CNTNAP2: variants seen among roughly 807,000 people sequenced by gnomAD.
CNTNAP2 encodes contactin associated protein 2.
Under a neutral mutation model 155.2 loss-of-function variants are expected in CNTNAP2, and 98 were observed. The ratio of observed to expected loss-of-function variants is 0.63; its 90% CI spans 0.54 to 0.75. CNTNAP2 has a LOEUF of 0.75. Ranked by LOEUF, CNTNAP2 falls within the 30% of genes least tolerant of loss-of-function variation. The pLI is 0.00. For missense variants in CNTNAP2, 1,727 were observed against 1,688.1 expected (o/e 1.02, Z -0.40); for synonymous variants, 651 against 631.2 (o/e 1.03, Z -0.47).
intron 12 of CNTNAP2, among the ~76,000 whole-genome samples, chr7:147,632,427 G>A (rs903992464): frequency 2.0e-5 from 3 of 152,100 alleles, no homozygotes; most frequent in African/African-American, 7.2e-5. Flanking sequence ...GTGATAGTAA[G>A]TTAGTTCTCA....
intron 8 of CNTNAP2, among the ~76,000 whole-genome samples, chr7:147,220,922 C>T (rs781011395): frequency 1.3e-5 from 2 of 152,042 alleles, no homozygotes; most frequent in African/African-American, 2.4e-5. Flanking sequence ...GCCATGTTGG[C>T]CAGGATGGTC....
At chr7:146,924,566 T>G (rs2129220901) in intron 3 of CNTNAP2, among the ~76,000 whole-genome samples, 1 of 152,210 alleles carries the variant, frequency 6.6e-6, no homozygotes, top group South Asian at 2.1e-4. Flanking sequence ...CACACTTGTC[T>G]TGAAAGACCT....
chr7:146,401,274 A>G (rs1795709928), intron 1 of CNTNAP2, among the ~76,000 whole-genome samples: 1 of 152,202 alleles, frequency 6.6e-6, no homozygotes, highest in Admixed American at 6.5e-5. Flanking sequence ...AGTAGGGCCT[A>G]CAGAGGCTAA....
In CNTNAP2 at chr7:146,839,718, G is replaced by A. The variant is rs1803682144; in HGVS notation, c.216G>A (p.Gly72=). ...YAKINKRGGA[G]GWSPSDSDHY... The stretch of plus-strand genomic sequence containing the variant: ...ACCTCTGCCCATCTTCAGGTGCTGG[G>A]GGATGGTCTCCATCAGACAGCGACC... The change falls in exon 3 of 24, where the codon GGG becomes GGA. Residue 72 remains glycine (G), a synonymous_variant. Transcript: ENST00000361727. The A allele has an allele frequency of 1.2e-6, 2 of 1,614,098 alleles. No homozygotes were observed. Among genetic ancestry groups the A allele is most frequent in the East Asian group, 2.2e-5 (1 of 44,866 alleles).
At chr7:148,182,465 A>G (rs2972106) in intron 18 of CNTNAP2, among the ~76,000 whole-genome samples, 100,719 of 151,934 alleles carry the variant, frequency 0.66, 33,513 homozygotes, top group South Asian at 0.72. Context: ...CTCCACAACC[A>G]TTTGCGCGCT....
intron 13 of CNTNAP2, among the ~76,000 whole-genome samples, chr7:147,710,200 T>C (rs971982839): frequency 1.3e-5 from 2 of 152,140 alleles, no homozygotes; most frequent in African/African-American, 4.8e-5. Context: ...TACAACTCTT[T>C]ATTGGTATCA....
intron 13 of CNTNAP2, among the ~76,000 whole-genome samples, chr7:147,711,751 A>T (rs972925992): frequency 6.6e-6 from 1 of 152,182 alleles, no homozygotes; most frequent in Admixed American, 6.5e-5. Flanking sequence ...TATTATTAAG[A>T]CAATCAGCTA....
chr7:148,247,625 CTATTTATTTATTTA>C (rs1796291668), intron 20 of CNTNAP2, among the ~76,000 whole-genome samples: 2 of 105,308 alleles, frequency 1.9e-5, no homozygotes, highest in African/African-American at 7.8e-5. Flanking sequence ...CTCTCTCTCT[CTATTTATTTATTTA>C]TTTATTTATT....
At chr7:146,275,662 T>C (rs939155782) in intron 1 of CNTNAP2, among the ~76,000 whole-genome samples, 6 of 152,212 alleles carry the variant, frequency 3.9e-5, no homozygotes, top group African/African-American at 7.2e-5. Flanking sequence ...CATAAGATGC[T>C]ACACGTTGGT....
At chr7:148,146,786 C>T (rs1300971804) in intron 16 of CNTNAP2, among the ~76,000 whole-genome samples, 1 of 152,134 alleles carries the variant, frequency 6.6e-6, no homozygotes, top group Non-Finnish European at 1.5e-5. Context: ...ACCCTCATTA[C>T]ACCAACAATA....
intron 11 of CNTNAP2, among the ~76,000 whole-genome samples, chr7:147,519,748 C>T (rs545303589): frequency 1.3e-5 from 2 of 152,116 alleles, no homozygotes; most frequent in Non-Finnish European, 2.9e-5. Context: ...GCCTGTCATC[C>T]CAGCTACTGG....
chr7:147,143,061 A>C (rs1801631798), intron 8 of CNTNAP2, among the ~76,000 whole-genome samples: 1 of 152,112 alleles, frequency 6.6e-6, no homozygotes, highest in African/African-American at 2.4e-5. Context: ...CTCCTCTACT[A>C]TTATGTCTCC....
At chr7:147,685,047 A>G (rs1795997147) in intron 13 of CNTNAP2, among the ~76,000 whole-genome samples, 2 of 151,694 alleles carry the variant, frequency 1.3e-5, no homozygotes, top group South Asian at 4.2e-4. Context: ...TTCACATCCT[A>G]TTTCACCTGT....
At chr7:146,721,138 C>A (rs1801293485) in intron 1 of CNTNAP2, among the ~76,000 whole-genome samples, 2 of 130,700 alleles carry the variant, frequency 1.5e-5, no homozygotes, top group Admixed American at 1.6e-4. Flanking sequence ...TATATATATT[C>A]TCTTTATATA....
At chr7:147,575,517 G>GTGTGTA in intron 12 of CNTNAP2, among the ~76,000 whole-genome samples, 1 of 143,046 alleles carries the variant, frequency 7.0e-6, no homozygotes, top group Non-Finnish European at 1.5e-5. Context: ...ACAACTGTGT[G>GTGTGTA]TGTGTGTGTG....
intron 8 of CNTNAP2, among the ~76,000 whole-genome samples, chr7:147,147,944 A>AACAC (rs368812521): frequency 6.6e-6 from 1 of 152,134 alleles, no homozygotes; most frequent in Non-Finnish European, 1.5e-5. Flanking sequence ...GAATATTGCA[A>AACAC]ACACACACAC....
intron 8 of CNTNAP2, among the ~76,000 whole-genome samples, chr7:147,181,609 G>A (rs1162941852): frequency 6.6e-6 from 1 of 152,114 alleles, no homozygotes; most frequent in Non-Finnish European, 1.5e-5. Context: ...TTGTTTTTAA[G>A]CAGGTGAAGT....
At chr7:147,876,369 G>A (rs935198779) in intron 13 of CNTNAP2, among the ~76,000 whole-genome samples, 1 of 152,102 alleles carries the variant, frequency 6.6e-6, no homozygotes, top group African/African-American at 2.4e-5. Context: ...CAAAAGCAGA[G>A]GAGAAAAACG....
intron 14 of CNTNAP2, among the ~76,000 whole-genome samples, chr7:147,942,764 G>A (rs1317722393): frequency 1.3e-5 from 2 of 152,142 alleles, no homozygotes; most frequent in Non-Finnish European, 2.9e-5. Context: ...CTGGCCAGGC[G>A]CAGTGGCTCA....
Sources: gnomAD v4.1 joint callset for allele counts (sites outside exome capture counted in the v4.1 genomes callset) on GRCh38, gnomAD v4.1.1 for gene constraint, MANE v1.5 for transcripts, NCBI Gene and HGNC (gene_info 2026-07-23, HGNC 2026-07-21) for gene names.